The following CNTN5 variants were observed in gnomAD, a reference collection of about 807,000 sequenced individuals.
The protein encoded by CNTN5 is contactin-5.
Under a neutral mutation model 129.1 loss-of-function variants are expected in CNTN5, and 77 were observed. The observed-to-expected ratio is 0.60, with a 90% CI of 0.50 to 0.72. The LOEUF (loss-of-function observed/expected upper bound fraction) is 0.72. Among genes scored for constraint, CNTN5 ranks in the 30% least tolerant of loss-of-function variants. CNTN5 has a pLI of 0.00. For synonymous variants in CNTN5, 509 were observed against 465.6 expected (o/e 1.09, Z -1.20); for missense variants, 1,478 against 1,328.8 (o/e 1.11, Z -1.75).
In CNTN5 at chr11:100,191,211, G is replaced by C; in HGVS notation, c.1666G>C (p.Val556Leu). Reference protein sequence around the residue: ...EGKYVCRGENVFGSAEIIASL... With the variant: ...EGKYVCRGENLFGSAEIIASL... ...AAAGTACGTTTGCCGAGGGGAAAAC[G>C]TCTTTGGTTCTGCTGAAATTATAGC... Residue 556 changes from valine to leucine, a missense_variant, in exon 14 of 25, where the codon GTC (valine) becomes CTC (leucine). Physicochemically the swap from Val to Leu is conservative, Grantham distance 32. Coordinates refer to ENST00000524871, the MANE Select transcript of CNTN5 (RefSeq NM_014361.4). 1 of 1,612,606 alleles carries C rather than the reference G, an allele frequency of 6.2e-7. No homozygotes were observed.
chr11:99,306,760 TAATAA>T (rs1226728788), intron 1 of CNTN5, among the ~76,000 whole-genome samples: 1 of 148,852 alleles, frequency 6.7e-6, no homozygotes, highest in Non-Finnish European at 1.5e-5. Flanking sequence ...ATAATAATAA[TAATAA>T]TAATAATAAT....
intron 6 of CNTN5, among the ~76,000 whole-genome samples, chr11:99,853,794 T>G (rs1223690395): frequency 6.6e-6 from 1 of 152,112 alleles, no homozygotes; most frequent in Non-Finnish European, 1.5e-5. Context: ...TCACATCAAT[T>G]TGATGAAGGA....
intron 15 of CNTN5, among the ~76,000 whole-genome samples, chr11:100,212,190 AATT>A (rs1364468902): frequency 1.3e-5 from 2 of 152,068 alleles, no homozygotes; most frequent in African/African-American, 4.8e-5. Flanking sequence ...TGAATCTCAT[AATT>A]ATCACTCAAT....
intron 2 of CNTN5, among the ~76,000 whole-genome samples, chr11:99,428,290 T>G (rs902972648): frequency 4.1e-4 from 62 of 152,116 alleles, no homozygotes; most frequent in African/African-American, 1.5e-3. Flanking sequence ...CTGAATACAG[T>G]GGCTCACGTT....
At chr11:99,525,229 C>G (rs1317511351) in intron 2 of CNTN5, among the ~76,000 whole-genome samples, 1 of 151,758 alleles carries the variant, frequency 6.6e-6, no homozygotes, top group Non-Finnish European at 1.5e-5. Flanking sequence ...AGTCAGGACA[C>G]TAGTTAATGA....
At chr11:99,884,956 G>T (rs1948861945) in intron 6 of CNTN5, among the ~76,000 whole-genome samples, 1 of 152,070 alleles carries the variant, frequency 6.6e-6, no homozygotes, top group Non-Finnish European at 1.5e-5. Context: ...CACCCTCAGC[G>T]ACAGAGCGAC....
chr11:100,148,316 C>T (rs142679850), intron 13 of CNTN5, among the ~76,000 whole-genome samples: 1 of 152,276 alleles, frequency 6.6e-6, no homozygotes, highest in East Asian at 1.9e-4. Flanking sequence ...GAAGATAATA[C>T]AACTTCAAAA....
At chr11:100,293,238 A>C (rs1951031751) in intron 18 of CNTN5, among the ~76,000 whole-genome samples, 1 of 151,774 alleles carries the variant, frequency 6.6e-6, no homozygotes, top group African/African-American at 2.4e-5. Context: ...CATTTTGTAC[A>C]CTCACCTCCT....
At chr11:99,811,798 C>T (rs1207602133) in intron 3 of CNTN5, among the ~76,000 whole-genome samples, 1 of 151,994 alleles carries the variant, frequency 6.6e-6, no homozygotes, top group Non-Finnish European at 1.5e-5. Flanking sequence ...CTCTGGGCCA[C>T]TTTAGAAATA....
At chr11:99,312,082 C>T (rs1256016465) in intron 1 of CNTN5, among the ~76,000 whole-genome samples, 7 of 151,942 alleles carry the variant, frequency 4.6e-5, no homozygotes, top group South Asian at 2.1e-4. Flanking sequence ...GGTTGCATCA[C>T]GTGATATGAA....
At chr11:99,461,986 A>G (rs888558458) in intron 2 of CNTN5, among the ~76,000 whole-genome samples, 20 of 152,210 alleles carry the variant, frequency 1.3e-4, no homozygotes, top group Admixed American at 6.5e-5. Context: ...GCTATTCAAT[A>G]CAATAACCCA....
At chr11:100,311,444 CTTAAG>C (rs143787630) in intron 21 of CNTN5, among the ~76,000 whole-genome samples, 1,541 of 151,100 alleles carry the variant, frequency 0.01, 23 homozygotes, top group African/African-American at 0.035. Flanking sequence ...TCAAGCAGGT[CTTAAG>C]TTAAGAGGAA....
chr11:99,461,335 G>A (rs1057255329), intron 2 of CNTN5, among the ~76,000 whole-genome samples: 1 of 151,956 alleles, frequency 6.6e-6, no homozygotes, highest in Non-Finnish European at 1.5e-5. Context: ...ACTGCCGTAG[G>A]TTTGTCGTTT....
chr11:99,159,810 C>T (rs1860521113), intron 1 of CNTN5, among the ~76,000 whole-genome samples: 2 of 151,924 alleles, frequency 1.3e-5, no homozygotes, highest in Admixed American at 6.6e-5. Flanking sequence ...AGGAGAAGTA[C>T]GTATTTTACC....
chr11:99,422,397 G>A (rs938376892), intron 2 of CNTN5, among the ~76,000 whole-genome samples: 2 of 151,054 alleles, frequency 1.3e-5, no homozygotes, highest in Non-Finnish European at 3.0e-5. Context: ...CATTATATCA[G>A]GGGAATCGTT....
intron 3 of CNTN5, among the ~76,000 whole-genome samples, chr11:99,564,228 T>A (rs538982003): frequency 6.6e-6 from 1 of 152,184 alleles, no homozygotes; most frequent in Non-Finnish European, 1.5e-5. Context: ...ACTACAGGCA[T>A]GTGTCACCAC....
At chr11:99,115,528 G>T (rs1858004474) in intron 1 of CNTN5, among the ~76,000 whole-genome samples, 3 of 152,170 alleles carry the variant, frequency 2.0e-5, no homozygotes, top group Admixed American at 2.0e-4. Flanking sequence ...TGAGGCTGAG[G>T]TTAGGCGGAT....
At chr11:100,118,411 C>G (rs1945909297) in intron 13 of CNTN5, among the ~76,000 whole-genome samples, 2 of 151,722 alleles carry the variant, frequency 1.3e-5, no homozygotes, top group African/African-American at 2.4e-5. Context: ...TTTAACTATG[C>G]CTATCTATTA....
intron 4 of CNTN5, among the ~76,000 whole-genome samples, chr11:99,822,030 GTC>G (rs1565571274): frequency 2.0e-5 from 3 of 152,124 alleles, no homozygotes; most frequent in African/African-American, 7.2e-5. Flanking sequence ...TCTGACAAGA[GTC>G]TGACGTATGG....
Sources: allele counts gnomAD v4.1 joint callset (sites outside exome capture counted in the v4.1 genomes callset), GRCh38; gene constraint gnomAD v4.1.1; transcripts MANE v1.5; gene names NCBI Gene and HGNC (gene_info 2026-07-23, HGNC 2026-07-21).